Variants in SOS1 observed in about 807,000 individuals in gnomAD.
The protein encoded by SOS1 is son of sevenless homolog 1.
SOS1 carries 25 observed loss-of-function variants against 157.6 expected under a neutral mutation model. The ratio of observed to expected loss-of-function variants is 0.16; its 90% CI spans 0.12 to 0.22. The LOEUF (loss-of-function observed/expected upper bound fraction) is 0.22. Among genes scored for constraint, SOS1 ranks in the 10% least tolerant of loss-of-function variants. The pLI, the probability that SOS1 is intolerant of heterozygous loss-of-function variation, is 1.00. For synonymous variants in SOS1, 528 were observed against 534.0 expected, an observed-to-expected ratio of 0.99 and a Z score of 0.16; for missense variants, 1,237 against 1,599.1, an observed-to-expected ratio of 0.77 and a Z score of 3.86.
intron 8 of SOS1, among the ~76,000 whole-genome samples, chr2:39,031,496 G>A (rs933340991): frequency 5.9e-5 from 9 of 152,132 alleles, no homozygotes; most frequent in East Asian, 1.9e-4. Context: ...TTGGGAGGCC[G>A]AGGTGGGCAG....
chr2:39,103,852 A>C (rs951444413), intron 1 of SOS1, among the ~76,000 whole-genome samples: 7 of 152,372 alleles, frequency 4.6e-5, no homozygotes, highest in African/African-American at 1.7e-4. Flanking sequence ...AGAAACTAAA[A>C]AGATAAACTT....
chr2:39,058,168 G>C (rs753932628), intron 3 of SOS1, among the ~76,000 whole-genome samples: 2 of 151,886 alleles, frequency 1.3e-5, no homozygotes. Flanking sequence ...TCGAGCTTCC[G>C]GCAGTTATTC....
chr2:38,986,984 T>G (rs1668577960), intron 22 of SOS1, among the ~76,000 whole-genome samples: 2 of 152,116 alleles, frequency 1.3e-5, no homozygotes, highest in African/African-American at 4.8e-5. Flanking sequence ...AAAACAAAAT[T>G]AAATAAGTAG....
At chr2:39,105,992 GA>G (rs1673162122) in intron 1 of SOS1, among the ~76,000 whole-genome samples, 1 of 152,096 alleles carries the variant, frequency 6.6e-6, no homozygotes, top group Admixed American at 6.5e-5. Context: ...CCAGGCGGGT[GA>G]ATCTCCTGAG....
intron 1 of SOS1, among the ~76,000 whole-genome samples, chr2:39,104,334 C>T (rs1309553275): frequency 6.6e-6 from 1 of 152,032 alleles, no homozygotes; most frequent in Non-Finnish European, 1.5e-5. Context: ...TTTGAATAGA[C>T]ATTTCTATAA....
intron 8 of SOS1, among the ~76,000 whole-genome samples, chr2:39,026,346 C>T (rs1013946023): frequency 9.6e-6 from 1 of 104,174 alleles, no homozygotes; most frequent in Non-Finnish European, 1.9e-5. Flanking sequence ...CAGAGTGAGA[C>T]TCCGTCTCAA....
In SOS1 at chr2:39,023,117, A is replaced by G; in HGVS notation, c.1311T>C (p.Ile437=). 2 of 1,613,446 alleles carry G rather than the reference A, an allele frequency of 1.2e-6. No homozygotes were observed. The highest frequency in any genetic ancestry group is 1.7e-6 in the Non-Finnish European group (2 of 1,179,570). Residue 437 remains isoleucine, a synonymous_variant, in exon 10 of 23, where the codon ATT becomes ATC. Coordinates refer to ENST00000402219, the MANE Select transcript of SOS1 (RefSeq NM_005633.4). ...KNIDGWEGKD[I]GQCCNEFIME... is the part of the protein sequence containing the mutation. ...TTATAAATTCATTACAACACTGTCC[A>G]ATGTCTTTTCCCTCCCAACCATCAA... is the stretch of plus-strand genomic sequence containing the variant.
chr2:39,106,587 T>C (rs1404081908), intron 1 of SOS1, among the ~76,000 whole-genome samples: 21 of 74,392 alleles, frequency 2.8e-4, no homozygotes, highest in African/African-American at 1.3e-3. Flanking sequence ...CGAGACTCCG[T>C]CTCAAAAAAA....
At chr2:39,067,787 G>A in intron 1 of SOS1, 34 bp from the exon 2 acceptor site, 2 of 1,598,838 alleles carry the variant, frequency 1.3e-6, no homozygotes, top group Non-Finnish European at 1.7e-6. Context: ...TAAAATGTGG[G>A]TTCCATATCA....
chr2:39,081,363 T>TA, intron 1 of SOS1, among the ~76,000 whole-genome samples: 2 of 151,074 alleles, frequency 1.3e-5, no homozygotes, highest in Middle Eastern at 6.9e-3. Flanking sequence ...CTAATAAAAA[T>TA]ACAAAAATTA....
chr2:39,092,765 T>A (rs1202999811), intron 1 of SOS1, among the ~76,000 whole-genome samples: 3 of 152,196 alleles, frequency 2.0e-5, no homozygotes, highest in East Asian at 3.8e-4. Flanking sequence ...CTAAAAGAAA[T>A]CTGAAAGCGT....
intron 1 of SOS1, among the ~76,000 whole-genome samples, chr2:39,106,880 T>C (rs1011494709): frequency 2.6e-5 from 4 of 152,212 alleles, no homozygotes; most frequent in Non-Finnish European, 5.9e-5. Flanking sequence ...CACCAGTTCA[T>C]AGAGTAAAAA....
intron 1 of SOS1, among the ~76,000 whole-genome samples, chr2:39,085,839 G>A (rs1347092363): frequency 2.6e-5 from 4 of 152,160 alleles, no homozygotes; most frequent in Non-Finnish European, 5.9e-5. Flanking sequence ...GATAGTATAA[G>A]AGACACAGGC....
At chr2:38,986,889 G>A (rs144053080) in intron 22 of SOS1, among the ~76,000 whole-genome samples, 1 of 152,102 alleles carries the variant, frequency 6.6e-6, no homozygotes, top group Non-Finnish European at 1.5e-5. Flanking sequence ...TACAAAGAGT[G>A]TCTTGTCTTG....
intron 1 of SOS1, among the ~76,000 whole-genome samples, chr2:39,107,806 C>T (rs987035181): frequency 2.6e-5 from 4 of 152,056 alleles, no homozygotes; most frequent in African/African-American, 9.7e-5. Flanking sequence ...GAGATTCACT[C>T]TACTCAGGGG....
chr2:39,079,487 ATTTTTTTT>A (rs1201929648), intron 1 of SOS1, among the ~76,000 whole-genome samples: 1 of 82,714 alleles, frequency 1.2e-5, no homozygotes, highest in Non-Finnish European at 2.2e-5. Context: ...AAGTGTTCGA[ATTTTTTTT>A]TTTTTTTTTT....
chr2:39,022,838 T>A lies in SOS1; in HGVS notation c.1590A>T (p.Ser530=). The part of the protein sequence containing the change: ...DENSVIFSAK[S]AEEKNNWMAA... ...CCATCCAATTGTTTTTCTCTTCAGC[T>A]GACTTGGCAGAAAATATAACACTAT... The change falls in exon 10 of 23, where the codon TCA becomes TCT. Residue 530 remains serine, a synonymous_variant. Transcript: ENST00000402219. 1 of 1,613,656 alleles carries A rather than the reference T, an allele frequency of 6.2e-7. No homozygotes were observed. The highest frequency in any genetic ancestry group is 8.5e-7 in the Non-Finnish European group (1 of 1,179,742).
rs1668910910 is a variant in SOS1 at position 38,996,855 on chromosome 2, C to T, written c.3081+67G>A. On this transcript the variant is annotated intron_variant, in intron 19 of 22. Transcript: ENST00000402219. Reference sequence around the variant, plus strand: ...ACATGTATACTTCATCCCTGAATACCTTTATGGAAAACTATATAACACATA... The same window carrying T: ...ACATGTATACTTCATCCCTGAATACTTTTATGGAAAACTATATAACACATA... The T allele has an allele frequency of 1.9e-5, 16 of 857,512 alleles. No homozygotes were observed. The South Asian group carries it at 2.0e-4, about 11-fold the overall frequency. The allele number at this position is 857,512 out of a possible 1,614,324, so 53.1% of individuals were successfully genotyped here.
At chr2:39,099,517 T>C (rs1031762586) in intron 1 of SOS1, among the ~76,000 whole-genome samples, 2 of 152,150 alleles carry the variant, frequency 1.3e-5, no homozygotes, top group Non-Finnish European at 2.9e-5. Context: ...GATTGTGCAA[T>C]AGTTGCACAG....
Sources: allele counts gnomAD v4.1 joint callset (sites outside exome capture counted in the v4.1 genomes callset), GRCh38; gene constraint gnomAD v4.1.1; transcripts MANE v1.5; gene names NCBI Gene and HGNC (gene_info 2026-07-23, HGNC 2026-07-21).